The following HEATR1 variants were observed in gnomAD, a reference collection of about 807,000 sequenced individuals.
HEATR1 encodes the protein HEAT repeat-containing protein 1.
Under a neutral mutation model 248.2 loss-of-function variants are expected in HEATR1, and 77 were observed. That is an observed-to-expected ratio of 0.31 (90% CI 0.26 to 0.37). HEATR1 has a LOEUF of 0.37. Ranked by LOEUF, HEATR1 falls within the 10% of genes least tolerant of loss-of-function variation. The pLI is 1.00. For synonymous variants in HEATR1, 897 were observed against 923.1 expected (o/e 0.97, Z 0.51); for missense variants, 2,420 against 2,504.9 (o/e 0.97, Z 0.72).
intron 31 of HEATR1, 73 bp downstream of exon 31, chr1:236,565,846 G>T: frequency 7.1e-7 from 1 of 1,417,286 alleles, no homozygotes; most frequent in South Asian, 1.3e-5. Flanking sequence ...ATGTACTAAG[G>T]ATAACCTGCA....
intron 32 of HEATR1, among the ~76,000 whole-genome samples, chr1:236,564,241 T>C (rs1479517585): frequency 1.3e-5 from 2 of 152,248 alleles, no homozygotes; most frequent in African/African-American, 2.4e-5. Context: ...TTTTTTGGTG[T>C]ACAGGTTCAT....
At chr1:236,594,358 G>C (rs746857315) in intron 8 of HEATR1, among the ~76,000 whole-genome samples, 1 of 151,926 alleles carries the variant, frequency 6.6e-6, no homozygotes, top group Non-Finnish European at 1.5e-5. Context: ...GTACTATCAT[G>C]CTTATAACAA....
rs181685049 is a variant in HEATR1, at chr1:236,570,063, C to T, written c.3949-939G>A. ...CAGCACTTTGGGAGGCCGAGGCGGGCGGATCATGACATCAGGAGATCGAGA... is the reference window on the plus strand; with the variant it reads ...CAGCACTTTGGGAGGCCGAGGCGGGTGGATCATGACATCAGGAGATCGAGA... On this transcript the variant is annotated intron_variant, in intron 28 of 44. Coordinates refer to ENST00000366582, the MANE Select transcript of HEATR1 (RefSeq NM_018072.6). Among the ~76,000 whole-genome samples the T allele has an allele frequency of 8.5e-5, 13 of 152,112 alleles. No individual in the cohort carries two copies. The South Asian group carries it at 2.1e-3, about 24-fold the overall frequency.
At chr1:236,586,186 G>T in intron 15 of HEATR1, 55 bp downstream of exon 15, 1 of 1,418,044 alleles carries the variant, frequency 7.1e-7, no homozygotes, top group East Asian at 2.4e-5. Flanking sequence ...AATTTTCCTT[G>T]TTTTCTTTTG....
At chr1:236,562,307 T>G (rs967104943) in intron 32 of HEATR1, among the ~76,000 whole-genome samples, 23 of 152,350 alleles carry the variant, frequency 1.5e-4, no homozygotes, top group Non-Finnish European at 2.8e-4. Context: ...AATCAAAATT[T>G]TAAAGGAATT....
intron 14 of HEATR1, among the ~76,000 whole-genome samples, chr1:236,586,771 T>C (rs904924191): frequency 2.0e-5 from 3 of 151,318 alleles, no homozygotes; most frequent in African/African-American, 7.3e-5. Context: ...GAGAAATCAC[T>C]AGAGGTTAAC....
Position 236,557,239 on chromosome 1 carries a change from G to C in HEATR1, c.5311C>G (p.Leu1771Val), listed in dbSNP as rs1185737781. Residue 1771 changes from leucine to valine, a missense_variant, in exon 37 of 45, where the codon CTC (leucine) becomes GTC (valine). By Grantham distance (32) the Leu-to-Val change is conservative (BLOSUM62 1). Transcript: ENST00000366582. ...LAALQKVVETLPHFISPYLEG... is the reference protein window; with the variant it reads ...LAALQKVVETVPHFISPYLEG... ...AGATAGGGGCTGATGAAGTGCGGGA[G>C]AGTCTCCACAACCTTCTGCAGAGCA... The C allele has an allele frequency of 1.9e-6, 3 of 1,614,198 alleles. No homozygotes were observed.
chr1:236,592,758 T>C (rs1572051944), intron 9 of HEATR1, 125 bp from the exon 10 acceptor site: 1 of 497,762 alleles, frequency 2.0e-6, no homozygotes, highest in Non-Finnish European at 3.6e-6. Context: ...TATAGTTTAA[T>C]ACTTATTTTA....
chr1:236,569,543 GAC>G (rs770008307), intron 28 of HEATR1, among the ~76,000 whole-genome samples: 1 of 152,116 alleles, frequency 6.6e-6, no homozygotes, highest in Non-Finnish European at 1.5e-5. Flanking sequence ...GATTTGAAAA[GAC>G]ATTTCTTCAA....
chr1:236,578,463 G>A (rs929704745), intron 20 of HEATR1, among the ~76,000 whole-genome samples: 2 of 152,154 alleles, frequency 1.3e-5, no homozygotes, highest in South Asian at 4.1e-4. Context: ...TTGATTTGAG[G>A]AATTTTTGAT....
At chr1:236,567,077 C>T (rs758262866) in intron 29 of HEATR1, among the ~76,000 whole-genome samples, 44 of 152,086 alleles carry the variant, frequency 2.9e-4, no homozygotes, top group Non-Finnish European at 5.7e-4. Context: ...GCCTGGATCT[C>T]CTGAGCTCAA....
intron 33 of HEATR1, 105 bp from the exon 34 acceptor site, chr1:236,559,942 A>G: frequency 8.3e-7 from 1 of 1,199,716 alleles, no homozygotes; most frequent in Non-Finnish European, 1.1e-6. Context: ...CGAGTTAAAT[A>G]ATTCTGTACT....
chr1:236,581,778 G>A (rs1266069463), intron 19 of HEATR1, among the ~76,000 whole-genome samples: 1 of 152,198 alleles, frequency 6.6e-6, no homozygotes, highest in Admixed American at 6.5e-5. Context: ...ACTGGGCCTG[G>A]CAACATGGAG....
chr1:236,600,733 C>G (rs113950415), intron 3 of HEATR1, among the ~76,000 whole-genome samples: 4,493 of 152,156 alleles, frequency 0.03, 229 homozygotes, highest in East Asian at 0.24. Context: ...CAGGGATTCA[C>G]CATGTTGGTC....
intron 32 of HEATR1, among the ~76,000 whole-genome samples, chr1:236,563,242 C>T (rs921891277): frequency 6.6e-6 from 1 of 152,118 alleles, no homozygotes; most frequent in Non-Finnish European, 1.5e-5. Flanking sequence ...TAATTCCCAT[C>T]TATCCTGCAC....
chr1:236,550,905 G>A lies in HEATR1; in HGVS notation c.6432C>T (p.Phe2144=). The A allele has an allele frequency of 6.3e-7, 1 of 1,594,456 alleles. No individual in the cohort carries two copies. Among genetic ancestry groups the A allele is most frequent in the Non-Finnish European group, 8.5e-7 (1 of 1,172,326 alleles). The change falls in exon 45 of 45, where the codon TTC becomes TTT. Residue 2144 remains phenylalanine, a synonymous_variant. Coordinates refer to ENST00000366582, the MANE Select transcript of HEATR1 (RefSeq NM_018072.6). ...TVLGEPLQSY[F] ...GTATGAAACACCACAGAAAGTCTTA[G>A]AAATAGCTCTGGAGTGGCTCTCCCA...
chr1:236,552,249 T>C, intron 43 of HEATR1, 142 bp from the exon 44 acceptor site: 1 of 540,652 alleles, frequency 1.8e-6, no homozygotes, highest in Non-Finnish European at 3.2e-6. Flanking sequence ...TTCATTAAGC[T>C]TTCATCTTAG....
chr1:236,584,213 T>C (rs1185141783), intron 17 of HEATR1, among the ~76,000 whole-genome samples: 1 of 152,192 alleles, frequency 6.6e-6, no homozygotes, highest in African/African-American at 2.4e-5. Flanking sequence ...TAAAACACTC[T>C]ATTTGTCCAT....
In HEATR1 at chr1:236,564,628, C is replaced by G; in HGVS notation, c.4469G>C (p.Ser1490Thr). 6.2e-7 allele frequency: 1 copy of G among 1,613,352 alleles called. No homozygotes were observed. The highest frequency in any genetic ancestry group is 8.5e-7 in the Non-Finnish European group (1 of 1,179,922). ...CTGTAGCATTTCTTCTTGTGATTCA[C>G]TCTTATTAAATGACACTGCTTTGGG... ...TIPKAVSFNK[S>T]ESQEEMLQVF... Residue 1490 changes from serine to threonine, a missense_variant, in exon 32 of 45, where the codon AGT (serine) becomes ACT (threonine). Physicochemically the swap from Ser to Thr is moderately conservative, Grantham distance 58. Transcript: ENST00000366582.
Sources: gnomAD v4.1 joint callset for allele counts (sites outside exome capture counted in the v4.1 genomes callset) on GRCh38, gnomAD v4.1.1 for gene constraint, MANE v1.5 for transcripts, NCBI Gene and HGNC (gene_info 2026-07-23, HGNC 2026-07-21) for gene names.